The following PLEKHH2 variants were observed in gnomAD, a reference collection of about 807,000 sequenced individuals.
The protein encoded by PLEKHH2 is pleckstrin homology, MyTH4 and FERM domain containing H2.
A neutral mutation model predicts 187.9 loss-of-function variants in PLEKHH2; 129 were observed. The observed-to-expected ratio is 0.69, with a 90% CI of 0.59 to 0.79. The LOEUF is 0.79. Among genes scored for constraint, PLEKHH2 ranks in the 30% least tolerant of loss-of-function variants. The pLI, the probability that PLEKHH2 is intolerant of heterozygous loss-of-function variation, is 0.00. For missense variants in PLEKHH2, 2,076 were observed against 1,751.2 expected, an observed-to-expected ratio of 1.19 and a Z score of -3.31; for synonymous variants, 686 against 605.6, an observed-to-expected ratio of 1.13 and a Z score of -1.95.
intron 2 of PLEKHH2, among the ~76,000 whole-genome samples, chr2:43,671,731 A>C (rs532573051): frequency 3.0e-4 from 46 of 152,322 alleles, no homozygotes; most frequent in African/African-American, 1.1e-3. Context: ...TTTTCTAGCC[A>C]CTTGACATGG....
chr2:43,709,871 A>C (rs1299965880), intron 11 of PLEKHH2, 119 bp from the exon 12 acceptor site: 14 of 1,035,670 alleles, frequency 1.4e-5, no homozygotes, highest in Non-Finnish European at 1.9e-5. Flanking sequence ...ATGAGAATAA[A>C]TCTAGTCTAG....
intron 4 of PLEKHH2, 21 bp downstream of exon 4, chr2:43,692,684 G>A (rs751281281): frequency 2.5e-5 from 40 of 1,606,994 alleles, no homozygotes; most frequent in Non-Finnish European, 3.3e-5. Context: ...ATTTGATAAA[G>A]AGTTCTAAGT....
In PLEKHH2 at chr2:43,765,483, A is replaced by G. The variant is rs748925017; in HGVS notation, c.4367A>G (p.His1456Arg). Residue 1456 changes from histidine to arginine, a missense_variant, in exon 30 of 30, where the codon CAC becomes CGC. His to Arg is a conservative substitution (Grantham distance 29, BLOSUM62 0). Coordinates refer to ENST00000282406, the MANE Select transcript of PLEKHH2 (RefSeq NM_172069.4). ...CATCAGCAAAAGGCAGCATTTCACCACCTCTCTGCTCCAGCACTGCTCTCA... is the reference window on the plus strand; with the variant it reads ...CATCAGCAAAAGGCAGCATTTCACCGCCTCTCTGCTCCAGCACTGCTCTCA... ...NFHQQKAAFH[H>R]LSAPALLSAQ... 1.9e-6 allele frequency: 3 copies of G among 1,613,974 alleles called. No homozygotes were observed. In the South Asian group the frequency reaches 3.3e-5, roughly 18 times the overall value.
chr2:43,646,416 C>G (rs1343237993), intron 2 of PLEKHH2, among the ~76,000 whole-genome samples: 1 of 152,168 alleles, frequency 6.6e-6, no homozygotes, highest in Non-Finnish European at 1.5e-5. Context: ...CCATTTGTTG[C>G]CTAAGCCTCT....
intron 9 of PLEKHH2, among the ~76,000 whole-genome samples, chr2:43,705,220 C>T (rs1669596700): frequency 7.0e-6 from 1 of 143,302 alleles, no homozygotes; most frequent in Non-Finnish European, 1.5e-5. Context: ...GTTCAGCTAT[C>T]TGCAGTTCTT....
chr2:43,675,974 A>C, intron 2 of PLEKHH2: 1 of 1,613,976 alleles, frequency 6.2e-7, no homozygotes, highest in Non-Finnish European at 8.5e-7. Flanking sequence ...ATCTGTACCC[A>C]CCTGTCATTA....
intron 11 of PLEKHH2, 48 bp downstream of exon 11, chr2:43,707,593 T>C (rs1669725664): frequency 1.3e-6 from 2 of 1,595,310 alleles, no homozygotes; most frequent in South Asian, 2.3e-5. Flanking sequence ...TCATTCTGAA[T>C]ATTAATTGGG....
chr2:43,757,442 C>T (rs1412421463), intron 26 of PLEKHH2, among the ~76,000 whole-genome samples, 178 bp downstream of exon 26: 12 of 136,782 alleles, frequency 8.8e-5, no homozygotes, highest in Admixed American at 3.2e-4. Flanking sequence ...TTTTTTGAGA[C>T]GGAGTCTCGC....
At chr2:43,706,835 C>A (rs1294427743) in intron 10 of PLEKHH2, among the ~76,000 whole-genome samples, 2 of 152,120 alleles carry the variant, frequency 1.3e-5, no homozygotes, top group Non-Finnish European at 2.9e-5. Context: ...TTTATAATTG[C>A]TTATTAGAAT....
At chr2:43,674,353 A>G (rs1667624841) in intron 2 of PLEKHH2, among the ~76,000 whole-genome samples, 1 of 152,218 alleles carries the variant, frequency 6.6e-6, no homozygotes, top group Non-Finnish European at 1.5e-5. Context: ...AAAATAGAAT[A>G]TAGTTATATT....
chr2:43,647,520 C>T (rs547727878), intron 2 of PLEKHH2, among the ~76,000 whole-genome samples: 1 of 152,238 alleles, frequency 6.6e-6, no homozygotes, highest in African/African-American at 2.4e-5. Flanking sequence ...AGCCATGCAA[C>T]ATAAAAATCC....
In PLEKHH2 at chr2:43,765,749, T is replaced by C; in HGVS notation, c.*151T>C. On this transcript the variant is annotated 3_prime_UTR_variant, in exon 30 of 30. Transcript: ENST00000282406. ...GGGGTTAGTCTCTTTTATTTGATTC[T>C]TAAATATTCAAATAAATATTAACAG... 1.5e-6 allele frequency: 1 copy of C among 677,376 alleles called. No individual in the cohort carries two copies. Among genetic ancestry groups the C allele is most frequent in the Non-Finnish European group, 2.3e-6 (1 of 442,276 alleles). 42.0% of individuals were successfully genotyped at this position (677,376 alleles called of 1,614,324 possible). A position where few individuals can be genotyped will look rare whatever the true frequency, so the allele number is the denominator to read the frequency against.
At chr2:43,719,158 C>G (rs1356956757) in intron 15 of PLEKHH2, among the ~76,000 whole-genome samples, 1 of 152,130 alleles carries the variant, frequency 6.6e-6, no homozygotes, top group Non-Finnish European at 1.5e-5. Context: ...GTCTTCTTCA[C>G]AAGGCTGTGA....
chr2:43,736,471 A>G (rs538104432), intron 19 of PLEKHH2, among the ~76,000 whole-genome samples: 3 of 152,214 alleles, frequency 2.0e-5, no homozygotes, highest in Non-Finnish European at 2.9e-5. Flanking sequence ...GGAGCACCCA[A>G]ATAGAGCCTG....
intron 6 of PLEKHH2, among the ~76,000 whole-genome samples, chr2:43,696,725 A>G (rs1401220613): frequency 6.6e-6 from 1 of 152,140 alleles, no homozygotes; most frequent in Non-Finnish European, 1.5e-5. Context: ...TGGTTGCCCC[A>G]AGGATGATCC....
At chr2:43,749,369 T>A (rs1480678364) in intron 24 of PLEKHH2, among the ~76,000 whole-genome samples, 1 of 152,134 alleles carries the variant, frequency 6.6e-6, no homozygotes, top group Non-Finnish European at 1.5e-5. Context: ...ACCAATAGAT[T>A]TCTTAAGTTA....
At position 43,712,363 on chromosome 2, in the gene PLEKHH2, A is replaced by G. The variant is rs1558542971; in HGVS notation, c.2440A>G (p.Met814Val). 6.2e-7 allele frequency: 1 copy of G among 1,614,146 alleles called. No homozygotes were observed. The highest frequency in any genetic ancestry group is 8.5e-7 in the Non-Finnish European group (1 of 1,180,026). ...LSLQPEGKPT[M>V]KGLLTKVKHG... ...CCTGCAGCCTGAGGGCAAACCCACC[A>G]TGAAGGGATTGCTCACTAAGGTAGG... Residue 814 changes from methionine to valine, a missense_variant, in exon 15 of 30, where the codon ATG (methionine) becomes GTG (valine). Coordinates refer to ENST00000282406, the MANE Select transcript of PLEKHH2 (RefSeq NM_172069.4).
chr2:43,734,694 G>T (rs1671205432), intron 19 of PLEKHH2, among the ~76,000 whole-genome samples: 2 of 152,188 alleles, frequency 1.3e-5, no homozygotes, highest in Admixed American at 6.5e-5. Context: ...CAGTATGGAG[G>T]TTCCTCAAAA....
Position 43,754,196 on chromosome 2 carries a change from ACACAC to A in PLEKHH2, c.3795+437_3795+441del, listed in dbSNP as rs1327427601. On this transcript the variant is annotated intron_variant, in intron 25 of 29. Coordinates refer to ENST00000282406, the MANE Select transcript of PLEKHH2 (RefSeq NM_172069.4). The stretch of plus-strand genomic sequence containing the variant: ...CACACACACACACACACACACACAC[ACACAC>A]ACACAAAATTAATACTGACTTAATC... Among the ~76,000 whole-genome samples the A allele has an allele frequency of 4.0e-4, 47 of 116,634 alleles. 1 individual carries two copies. Among genetic ancestry groups the A allele is most frequent in the African/African-American group, 1.1e-3 (30 of 27,718 alleles). The allele number at this position is 116,634 out of a possible 152,430, so 76.5% of individuals were successfully genotyped here.
Sources: allele counts gnomAD v4.1 joint callset (sites outside exome capture counted in the v4.1 genomes callset), GRCh38; gene constraint gnomAD v4.1.1; transcripts MANE v1.5; gene names NCBI Gene and HGNC (gene_info 2026-07-23, HGNC 2026-07-21).